The following MYO3A variants were observed in gnomAD, a reference collection of about 807,000 sequenced individuals.
The protein encoded by MYO3A is myosin-IIIa.
MYO3A carries 180 observed loss-of-function variants against 192.7 expected under a neutral mutation model. That is an observed-to-expected ratio of 0.93 (90% CI 0.83 to 1.06). The LOEUF is 1.06. Ranked by LOEUF, MYO3A falls within the 50% of genes least tolerant of loss-of-function variation. The probability of loss-of-function intolerance (pLI) is 0.00; values close to 1 mark genes in which losing one functional copy is unlikely to be tolerated. For synonymous variants in MYO3A, 628 were observed against 645.3 expected, an observed-to-expected ratio of 0.97 and a Z score of 0.41; for missense variants, 1,896 against 1,905.0, an observed-to-expected ratio of 1.00 and a Z score of 0.09.
chr10:26,201,229 T>C, intron 32 of MYO3A, 36 bp from the exon 33 acceptor site: 1 of 1,267,712 alleles, frequency 7.9e-7, no homozygotes, highest in Non-Finnish European at 1.1e-6. Context: ...AAGATCATAA[T>C]ATTATATAGA....
rs187019694 is a variant in MYO3A at position 26,039,248 on chromosome 10, C to A, written c.953+12716C>A. Among the ~76,000 whole-genome samples, 1,057 of 121,528 alleles carry A rather than the reference C, an allele frequency of 8.7e-3. 4 individuals are homozygous for A. Among genetic ancestry groups the A allele is most frequent in the Non-Finnish European group, 0.012 (716 of 62,010 alleles). 79.7% of individuals were successfully genotyped at this position (121,528 alleles called of 152,430 possible). A position where few individuals can be genotyped will look rare whatever the true frequency, so the allele number is the denominator to read the frequency against. ...TTTTTTTTTGTATTTTTAGTAGAGA[C>A]AGGGTTTCTCCATGTTGGTCAGGCT... On this transcript the variant is annotated intron_variant, in intron 10 of 34. Transcript: ENST00000642920.
At position 26,107,267 on chromosome 10, in the gene MYO3A, G is replaced by C. The variant is rs569315170; in HGVS notation, c.1776+10585G>C. ...GAGGCCGAGGCGGGTGGATCACGAG[G>C]TCAGGAGATCAAGACCATCCTGGCT... On this transcript the variant is annotated intron_variant, in intron 17 of 34. Coordinates refer to ENST00000642920, the MANE Select transcript of MYO3A (RefSeq NM_017433.5). Among the ~76,000 whole-genome samples, 11 of 152,050 alleles carry C rather than the reference G, an allele frequency of 7.2e-5. 1 individual carries two copies. In the South Asian group the frequency reaches 8.3e-4, roughly 11 times the overall value.
intron 34 of MYO3A, among the ~76,000 whole-genome samples, chr10:26,210,439 T>A (rs1844171587): frequency 6.6e-6 from 1 of 152,180 alleles, no homozygotes; most frequent in South Asian, 2.1e-4. Context: ...GTTTAATCCA[T>A]CAGTGAGCCA....
intron 4 of MYO3A, among the ~76,000 whole-genome samples, chr10:25,991,296 C>G (rs1164604592): frequency 6.6e-6 from 1 of 152,238 alleles, no homozygotes; most frequent in Non-Finnish European, 1.5e-5. Context: ...TGTCTGTTGG[C>G]TGCATAAACG....
intron 10 of MYO3A, 90 bp downstream of exon 10, chr10:26,026,622 A>AATT: frequency 3.4e-6 from 5 of 1,484,314 alleles, no homozygotes; most frequent in Non-Finnish European, 4.6e-6. Context: ...AGGTGAATAA[A>AATT]ATTTGGAGGT....
At chr10:26,081,690 G>C (rs901395388) in intron 14 of MYO3A, among the ~76,000 whole-genome samples, 1 of 152,184 alleles carries the variant, frequency 6.6e-6, no homozygotes, top group Non-Finnish European at 1.5e-5. Context: ...TGTGGTGCCA[G>C]GCAGGAGTGG....
chr10:26,169,698 G>T (rs553172326), intron 28 of MYO3A, among the ~76,000 whole-genome samples: 1 of 152,310 alleles, frequency 6.6e-6, no homozygotes, highest in African/African-American at 2.4e-5. Flanking sequence ...CTGTCAATCA[G>T]CAATGAGTCA....
intron 10 of MYO3A, among the ~76,000 whole-genome samples, chr10:26,044,886 A>G (rs41454449): frequency 0.16 from 24,742 of 152,256 alleles, 2,308 homozygotes; most frequent in Non-Finnish European, 0.21. Context: ...AATATAACAC[A>G]TAACAAACAG....
intron 17 of MYO3A, among the ~76,000 whole-genome samples, chr10:26,106,199 A>G (rs955848457): frequency 1.3e-5 from 2 of 152,062 alleles, no homozygotes; most frequent in Admixed American, 1.3e-4. Flanking sequence ...GAATTTATAT[A>G]TTAATTTTTG....
intron 31 of MYO3A, among the ~76,000 whole-genome samples, chr10:26,182,916 G>A (rs1038571207): frequency 2.6e-5 from 4 of 152,020 alleles, no homozygotes; most frequent in Non-Finnish European, 2.9e-5. Flanking sequence ...CTGTTGTGGC[G>A]CCCTGTTTTG....
chr10:26,025,915 C>T (rs183887130), intron 9 of MYO3A, among the ~76,000 whole-genome samples: 5 of 152,296 alleles, frequency 3.3e-5, no homozygotes, highest in African/African-American at 9.6e-5. Context: ...GCAGTTTTAT[C>T]ACATAGAAAG....
chr10:26,114,286 A>G (rs1407774988), intron 17 of MYO3A, among the ~76,000 whole-genome samples: 1 of 152,188 alleles, frequency 6.6e-6, no homozygotes, highest in African/African-American at 2.4e-5. Context: ...TCACATGGGC[A>G]TCAGTTAGGC....
At chr10:25,952,338 A>C in intron 3 of MYO3A, 60 bp downstream of exon 3, 1 of 1,499,738 alleles carries the variant, frequency 6.7e-7, no homozygotes, top group Non-Finnish European at 9.2e-7. Flanking sequence ...ACACTTAAAA[A>C]GACTGTATTT....
chr10:26,168,904 C>T (rs762240344), intron 28 of MYO3A, 30 bp downstream of exon 28: 1 of 1,584,286 alleles, frequency 6.3e-7, no homozygotes, highest in Non-Finnish European at 8.6e-7. Flanking sequence ...TAGATATGGT[C>T]ATAAAATCAA....
At chr10:26,155,697 A>G (rs1364144014) in intron 25 of MYO3A, among the ~76,000 whole-genome samples, 1 of 152,224 alleles carries the variant, frequency 6.6e-6, no homozygotes, top group Non-Finnish European at 1.5e-5. Flanking sequence ...GTACTTAATC[A>G]TCTTTGAGTA....
intron 4 of MYO3A, among the ~76,000 whole-genome samples, chr10:25,965,960 T>TC (rs1838236530): frequency 7.7e-6 from 1 of 129,834 alleles, no homozygotes; most frequent in African/African-American, 3.1e-5. Context: ...TTTTTTTTTT[T>TC]CTCTCTCTCT....
At position 25,938,866 on chromosome 10, in the gene MYO3A, AC is replaced by A. The variant is rs1233348779; in HGVS notation, c.-18+3037del. ...TATTTGCATTATATTAGAAAAGAAA[AC>A]ATGCCCGTGTTCACTTATGAAGCAG... On this transcript the variant is annotated intron_variant, in intron 2 of 34. Coordinates refer to ENST00000642920, the MANE Select transcript of MYO3A (RefSeq NM_017433.5). Among the ~76,000 whole-genome samples, 7 of 152,300 alleles carry A rather than the reference AC, an allele frequency of 4.6e-5. No homozygotes were observed. In the East Asian group the frequency reaches 1.3e-3, roughly 29 times the overall value.
At position 25,994,589 on chromosome 10, in the gene MYO3A, A is replaced by G. The variant is rs137884620; in HGVS notation, c.304-1901A>G. Among the ~76,000 whole-genome samples the G allele has an allele frequency of 7.1e-3, 1,088 of 152,294 alleles. 37 individuals are homozygous for G. The highest frequency in any genetic ancestry group is 0.041 in the East Asian group (214 of 5,180). ...TGGTTGTTTGCTCATTAGTTGATGC[A>G]GTTTCTTCCTAGCATCGATGGTCTT... On this transcript the variant is annotated intron_variant, in intron 4 of 34. Transcript: ENST00000642920.
intron 10 of MYO3A, among the ~76,000 whole-genome samples, chr10:26,057,857 A>G (rs1411108227): frequency 2.0e-5 from 3 of 152,242 alleles, no homozygotes; most frequent in Non-Finnish European, 2.9e-5. Flanking sequence ...AGTTCATAAC[A>G]AAATTGAGAG....
Sources: gnomAD v4.1 joint callset for allele counts (sites outside exome capture counted in the v4.1 genomes callset) on GRCh38, gnomAD v4.1.1 for gene constraint, MANE v1.5 for transcripts, NCBI Gene and HGNC (gene_info 2026-07-23, HGNC 2026-07-21) for gene names.